Variants in ADRA1A observed in about 807,000 individuals in gnomAD.
ADRA1A encodes the protein alpha-1A adrenergic receptor.
A neutral mutation model predicts 29.6 loss-of-function variants in ADRA1A; 31 were observed. That is an observed-to-expected ratio of 1.05 (90% CI 0.79 to 1.41). The LOEUF is 1.41. ADRA1A is among the 40% of genes most tolerant of loss of function. ADRA1A has a pLI of 0.00. For synonymous variants in ADRA1A, 311 were observed against 254.3 expected (o/e 1.22, Z -2.12); for missense variants, 619 against 601.1 (o/e 1.03, Z -0.31).
chr8:26,841,359 C>A lies in ADRA1A; in HGVS notation c.883+22728G>T, dbSNP rs1346918988. On this transcript the variant is annotated intron_variant, in intron 2 of 2. Transcript: ENST00000380573. The surrounding 1 kb of genome is among the most constrained non-coding windows in gnomAD (Gnocchi z 4.4). ...CTTTACCACCCACTGTCTGAGCCAC[C>A]AAAGCCTACCCCACCCTTGCACCTC... is the stretch of plus-strand genomic sequence containing the variant. 6.6e-6 allele frequency among the ~76,000 whole-genome samples: 1 copy of A among 152,168 alleles called. No homozygotes were observed. The highest frequency in any genetic ancestry group is 2.4e-5 in the African/African-American group (1 of 41,428).
intron 2 of ADRA1A, among the ~76,000 whole-genome samples, chr8:26,789,155 A>T (rs951494496): frequency 7.9e-5 from 12 of 151,486 alleles, no homozygotes; most frequent in Non-Finnish European, 1.8e-4. Flanking sequence ...AATTGTTTTT[A>T]AAAAGGGTAA....
At chr8:26,783,387 T>C (rs1169242329) in intron 2 of ADRA1A, among the ~76,000 whole-genome samples, 1 of 152,156 alleles carries the variant, frequency 6.6e-6, no homozygotes, top group Non-Finnish European at 1.5e-5. Flanking sequence ...AGCTGAGCGA[T>C]GTGGCATCTT....
chr8:26,816,373 C>T (rs573265261), intron 2 of ADRA1A, among the ~76,000 whole-genome samples: 1 of 152,170 alleles, frequency 6.6e-6, no homozygotes, highest in South Asian at 2.1e-4. Flanking sequence ...TCTCCTGAGA[C>T]CCAAGGATGC....
At chr8:26,826,066 A>C (rs1427575936) in intron 2 of ADRA1A, among the ~76,000 whole-genome samples, 1 of 152,250 alleles carries the variant, frequency 6.6e-6, no homozygotes, top group Admixed American at 6.5e-5. Context: ...CAGAGGGTGC[A>C]TTCCAGCTGA....
At chr8:26,800,992 T>C (rs1335662607) in intron 2 of ADRA1A, among the ~76,000 whole-genome samples, 2 of 152,194 alleles carry the variant, frequency 1.3e-5, no homozygotes, top group Non-Finnish European at 2.9e-5. Flanking sequence ...TCAATCAGTG[T>C]GATACAGCAT....
chr8:26,858,551 C>T (rs1813207930), intron 2 of ADRA1A, among the ~76,000 whole-genome samples: 2 of 152,326 alleles, frequency 1.3e-5, no homozygotes, highest in South Asian at 2.1e-4. Flanking sequence ...CTCAGGCCAA[C>T]AGTTTCTCCA....
In ADRA1A at chr8:26,775,782, G is replaced by A. The variant is rs530983155; in HGVS notation, c.884-5116C>T. Among the ~76,000 whole-genome samples, 2 of 152,174 alleles carry A rather than the reference G, an allele frequency of 1.3e-5. No individual in the cohort carries two copies. Among genetic ancestry groups the A allele is most frequent in the African/African-American group, 4.8e-5 (2 of 41,506 alleles). On this transcript the variant is annotated intron_variant, in intron 2 of 2. Transcript: ENST00000380573. This position sits in a 1 kb window ranked among gnomAD's most constrained non-coding sequence, Gnocchi z 4.1. ...CCTCTGGACACCCTGACCAACTTACGCCGGTCAGACTGAGGTGGATAGAAC... is the reference window on the plus strand; with the variant it reads ...CCTCTGGACACCCTGACCAACTTACACCGGTCAGACTGAGGTGGATAGAAC...
In ADRA1A at chr8:26,808,250, A is replaced by G. The variant is rs549227856; in HGVS notation, c.884-37584T>C. Among the ~76,000 whole-genome samples, 14 of 152,282 alleles carry G rather than the reference A, an allele frequency of 9.2e-5. No homozygotes were observed. The South Asian group carries it at 2.7e-3, about 29-fold the overall frequency. ...TTGCATACTACATATACTTCTACAT[A>G]TTGCTTTTTCCACTTAATACAACCT... On this transcript the variant is annotated intron_variant, in intron 2 of 2. Coordinates refer to ENST00000380573, the MANE Select transcript of ADRA1A (RefSeq NM_000680.4).
At position 26,769,347 on chromosome 8, in the gene ADRA1A, T is replaced by C; in HGVS notation, c.*802A>G. The C allele has an allele frequency of 6.1e-6, 6 of 985,410 alleles. No homozygotes were observed. The highest frequency in any genetic ancestry group is 6.0e-6 in the Non-Finnish European group (5 of 829,890). 61.0% of individuals were successfully genotyped at this position (985,410 alleles called of 1,614,324 possible). ...AGAGAAAGCCTATCATCATCTGATC[T>C]TGGAACTGTTTAATGGATTTTCTCT... On this transcript the variant is annotated 3_prime_UTR_variant, in exon 3 of 3. Transcript: ENST00000380573.
rs1806000947 is a variant in ADRA1A at position 26,769,755 on chromosome 8, C to T, written c.*394G>A. On this transcript the variant is annotated 3_prime_UTR_variant, in exon 3 of 3. Transcript: ENST00000380573. ...TAGGTTGAGCCTGAAAATAAAATCC[C>T]CTCACTTCCATCAAGAAATAGCTCC... 2.0e-6 allele frequency: 2 copies of T among 994,292 alleles called. No individual in the cohort carries two copies. Among genetic ancestry groups the T allele is most frequent in the Non-Finnish European group, 1.2e-6 (1 of 836,214 alleles). The allele number at this position is 994,292 out of a possible 1,614,324, so 61.6% of individuals were successfully genotyped here. A position where few individuals can be genotyped will look rare whatever the true frequency, so the allele number is the denominator to read the frequency against.
intron 2 of ADRA1A, among the ~76,000 whole-genome samples, chr8:26,813,604 C>A (rs574502382): frequency 6.6e-6 from 1 of 152,092 alleles, no homozygotes; most frequent in Non-Finnish European, 1.5e-5. Context: ...ACACTGTGGA[C>A]ATCCATCCTA....
At chr8:26,767,756 A>AAAAACG (rs1805869419), downstream of ADRA1A, among the ~76,000 whole-genome samples, 1 of 152,220 alleles carries the variant, frequency 6.6e-6, no homozygotes, top group African/African-American at 2.4e-5. Flanking sequence ...TTTGTTGAAG[A>AAAAACG]AAAACGATAA....
chr8:26,799,637 T>C (rs1808428654), intron 2 of ADRA1A, among the ~76,000 whole-genome samples: 1 of 152,170 alleles, frequency 6.6e-6, no homozygotes, highest in South Asian at 2.1e-4. Flanking sequence ...TTTTCTGGGG[T>C]CTCAGCTGAT....
At chr8:26,804,119 G>C (rs1808796060) in intron 2 of ADRA1A, among the ~76,000 whole-genome samples, 1 of 151,846 alleles carries the variant, frequency 6.6e-6, no homozygotes, top group Admixed American at 6.6e-5. Flanking sequence ...TCGGGGTCTT[G>C]CTATGTTGTC....
At position 26,823,852 on chromosome 8, in the gene ADRA1A, A is replaced by C. The variant is rs964137513; in HGVS notation, c.883+40235T>G. Reference sequence around the variant, plus strand: ...GACTATGGCTTGGTCAAAACCCCACAATATAGTAAGACAGCGGCAGAATTG... The same window carrying C: ...GACTATGGCTTGGTCAAAACCCCACCATATAGTAAGACAGCGGCAGAATTG... On this transcript the variant is annotated intron_variant, in intron 2 of 2. Coordinates refer to ENST00000380573, the MANE Select transcript of ADRA1A (RefSeq NM_000680.4). This position sits in a 1 kb window ranked among gnomAD's most constrained non-coding sequence, Gnocchi z 4.2. Among the ~76,000 whole-genome samples, 1 of 152,204 alleles carries C rather than the reference A, an allele frequency of 6.6e-6. No individual in the cohort carries two copies. Among genetic ancestry groups the C allele is most frequent in the Non-Finnish European group, 1.5e-5 (1 of 68,026 alleles).
intron 2 of ADRA1A, among the ~76,000 whole-genome samples, chr8:26,837,422 G>A (rs1470834000): frequency 1.3e-5 from 2 of 152,078 alleles, no homozygotes; most frequent in Non-Finnish European, 2.9e-5. Context: ...AGGCTGAGGA[G>A]GGCAGATCAC....
intron 2 of ADRA1A, among the ~76,000 whole-genome samples, chr8:26,816,924 A>G (rs1350979465): frequency 6.6e-6 from 1 of 152,212 alleles, no homozygotes; most frequent in Non-Finnish European, 1.5e-5. Context: ...AAACATCTAG[A>G]AGAAAATGTA....
chr8:26,826,396 T>C (rs1050316929), intron 2 of ADRA1A, among the ~76,000 whole-genome samples: 2 of 152,222 alleles, frequency 1.3e-5, no homozygotes, highest in African/African-American at 4.8e-5. Flanking sequence ...TTATGACTTT[T>C]ATGGCTCCAG....
intron 2 of ADRA1A, among the ~76,000 whole-genome samples, chr8:26,786,097 A>C: frequency 6.6e-6 from 1 of 152,002 alleles, no homozygotes; most frequent in Non-Finnish European, 1.5e-5. Context: ...ACTTTCCAGT[A>C]CTCTTAGATG....
Sources: allele counts gnomAD v4.1 joint callset (sites outside exome capture counted in the v4.1 genomes callset), GRCh38; gene constraint gnomAD v4.1.1; non-coding constraint Gnocchi (gnomAD v3.1); transcripts MANE v1.5; gene names NCBI Gene and HGNC (gene_info 2026-07-23, HGNC 2026-07-21).